The following C1orf185 variants were observed in gnomAD, a reference collection of about 807,000 sequenced individuals.
The protein encoded by C1orf185 is chromosome 1 open reading frame 185.
Under a neutral mutation model 16.1 loss-of-function variants are expected in C1orf185, and 13 were observed. That is an observed-to-expected ratio of 0.81 (90% confidence interval 0.53 to 1.28). The LOEUF (loss-of-function observed/expected upper bound fraction) is 1.28. C1orf185 is among the 50% of genes most tolerant of loss of function. The pLI is 0.00. For missense variants in C1orf185, 220 were observed against 225.2 expected (o/e 0.98, Z 0.15); for synonymous variants, 80 against 76.9 (o/e 1.04, Z -0.21).
At chr1:51,103,902 A>G (rs1646051605) in intron 1 of C1orf185, among the ~76,000 whole-genome samples, 1 of 152,108 alleles carries the variant, frequency 6.6e-6, no homozygotes, top group Admixed American at 6.6e-5. Flanking sequence ...AGATAGTATG[A>G]TTCTCATTTT....
At chr1:51,121,584 T>C (rs1646197748) in intron 3 of C1orf185, among the ~76,000 whole-genome samples, 1 of 152,174 alleles carries the variant, frequency 6.6e-6, no homozygotes, top group African/African-American at 2.4e-5. Flanking sequence ...ACAAAAGAAC[T>C]CTTTTGTATT....
intron 3 of C1orf185, among the ~76,000 whole-genome samples, chr1:51,136,420 A>C (rs1221515035): frequency 6.6e-6 from 1 of 151,896 alleles, no homozygotes; most frequent in Non-Finnish European, 1.5e-5. Flanking sequence ...ACTGAAACAA[A>C]AAAGAGCCTG....
At position 51,115,248 on chromosome 1, in the gene C1orf185, G is replaced by T. The variant is rs1159581791; in HGVS notation, c.122+2679G>T. Reference sequence around the variant, plus strand: ...AGCTACTCGGGAGGCTGAGGCAGGAGAATCACTTGAACCCAGATGGCAGAG... The same window carrying T: ...AGCTACTCGGGAGGCTGAGGCAGGATAATCACTTGAACCCAGATGGCAGAG... On this transcript the variant is annotated intron_variant, in intron 2 of 4. Coordinates refer to ENST00000371759, the MANE Select transcript of C1orf185 (RefSeq NM_001136508.2). Among the ~76,000 whole-genome samples, 4 of 152,124 alleles carry T rather than the reference G, an allele frequency of 2.6e-5. 1 individual carries two copies. The highest frequency in any genetic ancestry group is 4.8e-5 in the African/African-American group (2 of 41,408).
chr1:51,132,151 G>A (rs1375191064), intron 3 of C1orf185, among the ~76,000 whole-genome samples: 1 of 152,110 alleles, frequency 6.6e-6, no homozygotes, highest in Admixed American at 6.5e-5. Context: ...TAAACCCACA[G>A]TGCAAAAACC....
At chr1:51,122,506 C>T (rs1390706531) in intron 3 of C1orf185, among the ~76,000 whole-genome samples, 1 of 152,190 alleles carries the variant, frequency 6.6e-6, no homozygotes. Flanking sequence ...CCACTATATT[C>T]TTTCCCCCAC....
At chr1:51,114,694 G>T (rs1402799977) in intron 2 of C1orf185, among the ~76,000 whole-genome samples, 1 of 152,190 alleles carries the variant, frequency 6.6e-6, no homozygotes, top group Non-Finnish European at 1.5e-5. Context: ...CTGCACTCCA[G>T]CCTGGGTGAC....
intron 2 of C1orf185, among the ~76,000 whole-genome samples, chr1:51,113,657 C>G (rs1184868799): frequency 6.6e-6 from 1 of 152,094 alleles, no homozygotes; most frequent in Non-Finnish European, 1.5e-5. Context: ...TGCACTACAG[C>G]CTGGGTGAAA....
At chr1:51,151,457 G>GA (rs35525469), downstream of C1orf185, among the ~76,000 whole-genome samples, 1 of 151,354 alleles carries the variant, frequency 6.6e-6, no homozygotes, top group East Asian at 1.9e-4. Context: ...GAGATCTTTT[G>GA]AAAAAAAAGT....
At chr1:51,112,109 G>A (rs1646125346) in intron 1 of C1orf185, among the ~76,000 whole-genome samples, 1 of 151,902 alleles carries the variant, frequency 6.6e-6, no homozygotes, top group Admixed American at 6.6e-5. Flanking sequence ...TTATGTTGGA[G>A]GCCTGCCAGG....
At chr1:51,110,983 A>G (rs755328947) in intron 1 of C1orf185, among the ~76,000 whole-genome samples, 1 of 151,954 alleles carries the variant, frequency 6.6e-6, no homozygotes, top group Non-Finnish European at 1.5e-5. Context: ...AAAAACAAAA[A>G]CAAAACAAAA....
At chr1:51,109,659 G>T (rs531871129) in intron 1 of C1orf185, among the ~76,000 whole-genome samples, 1 of 151,982 alleles carries the variant, frequency 6.6e-6, no homozygotes, top group African/African-American at 2.4e-5. Context: ...TTCTTTCTCC[G>T]GTGAGTGTTC....
At chr1:51,137,796 C>T (rs539778472) in intron 3 of C1orf185, among the ~76,000 whole-genome samples, 8 of 152,130 alleles carry the variant, frequency 5.3e-5, no homozygotes, top group Admixed American at 2.6e-4. Flanking sequence ...GACATGGAAT[C>T]GACCTAAATG....
intron 1 of C1orf185, among the ~76,000 whole-genome samples, chr1:51,111,293 A>G (rs1328212951): frequency 6.6e-6 from 1 of 151,538 alleles, no homozygotes; most frequent in African/African-American, 2.4e-5. Flanking sequence ...GTAATATCAT[A>G]TAATTCCTAT....
intron 3 of C1orf185, among the ~76,000 whole-genome samples, chr1:51,126,436 A>T (rs1312504090): frequency 6.6e-6 from 1 of 152,012 alleles, no homozygotes; most frequent in Non-Finnish European, 1.5e-5. Context: ...CTTTAAAAAA[A>T]AAATTGTAGA....
At chr1:51,119,564 G>T (rs140325603) in intron 3 of C1orf185, among the ~76,000 whole-genome samples, 8 of 152,216 alleles carry the variant, frequency 5.3e-5, no homozygotes, top group African/African-American at 1.9e-4. Context: ...AACCAAGGGC[G>T]GGAGGATTGC....
At chr1:51,144,266 G>A (rs2148033525) in intron 3 of C1orf185, among the ~76,000 whole-genome samples, 1 of 152,162 alleles carries the variant, frequency 6.6e-6, no homozygotes, top group East Asian at 1.9e-4. Flanking sequence ...AAGCTCCCAG[G>A]GTAATCTGTC....
intron 3 of C1orf185, among the ~76,000 whole-genome samples, chr1:51,122,457 T>A (rs1646204552): frequency 6.6e-6 from 1 of 152,168 alleles, no homozygotes; most frequent in South Asian, 2.1e-4. Context: ...TTCAAGCCAT[T>A]GTAGATTCAT....
At chr1:51,151,056 G>A (rs1646427569), downstream of C1orf185, among the ~76,000 whole-genome samples, 1 of 152,216 alleles carries the variant, frequency 6.6e-6, no homozygotes, top group Non-Finnish European at 1.5e-5. Flanking sequence ...AAATGTAAGA[G>A]ACCCACAGTT....
rs540144849 is a variant in C1orf185, at chr1:51,135,507, C to T, written c.259-10217C>T. Among the ~76,000 whole-genome samples, 4 of 152,314 alleles carry T rather than the reference C, an allele frequency of 2.6e-5. No individual in the cohort carries two copies. In the South Asian group the frequency reaches 8.3e-4, roughly 32 times the overall value. On this transcript the variant is annotated intron_variant, in intron 3 of 4. Transcript: ENST00000371759. ...TGAGCCGAGATCACACCATTGCACT[C>T]CAGCCTGGGCAACAAGAGTGAAACT... is the stretch of plus-strand genomic sequence containing the variant.
Sources: gnomAD v4.1 joint callset for allele counts (sites outside exome capture counted in the v4.1 genomes callset) on GRCh38, gnomAD v4.1.1 for gene constraint, MANE v1.5 for transcripts, NCBI Gene and HGNC (gene_info 2026-07-23, HGNC 2026-07-21) for gene names.